Variants in SLCO3A1 observed in about 807,000 individuals in gnomAD.
The protein encoded by SLCO3A1 is solute carrier organic anion transporter family member 3A1, also known as PGE1 transporter.
Under a neutral mutation model 63.1 loss-of-function variants are expected in SLCO3A1, and 27 were observed. That is an observed-to-expected ratio of 0.43 (90% CI 0.32 to 0.59). The LOEUF is 0.59. Among genes scored for constraint, SLCO3A1 ranks in the 20% least tolerant of loss-of-function variants. The probability of loss-of-function intolerance (pLI) is 0.09; values close to 1 mark genes in which losing one functional copy is unlikely to be tolerated. For missense variants in SLCO3A1, 773 were observed against 945.8 expected, an observed-to-expected ratio of 0.82 and a Z score of 2.40; for synonymous variants, 473 against 409.9, an observed-to-expected ratio of 1.15 and a Z score of -1.86.
chr15:91,974,128 G>A (rs9972546), intron 2 of SLCO3A1, among the ~76,000 whole-genome samples: 31,727 of 151,842 alleles, frequency 0.21, 3,724 homozygotes, highest in East Asian at 0.38. Context: ...AGACTCACGG[G>A]ATGTGGGACA....
rs1416143953 is a variant in SLCO3A1, at chr15:92,016,251, A to AGATAGATAGATT, written c.647-78627_647-78626insAGATAGATTGAT. Among the ~76,000 whole-genome samples, 24 of 52,198 alleles carry AGATAGATAGATT rather than the reference A, an allele frequency of 4.6e-4. 1 individual carries two copies. The East Asian group carries it at 9.0e-3, about 20-fold the overall frequency. The allele number at this position is 52,198 out of a possible 152,430, so 34.2% of individuals were successfully genotyped here. A position where few individuals can be genotyped will look rare whatever the true frequency, so the allele number is the denominator to read the frequency against. On this transcript the variant is annotated intron_variant, in intron 2 of 9. Transcript: ENST00000318445. ...TAGATAGATAGATAGATAGATAGATAGATTAGATAGATAGATAGATAGATA... is the reference window on the plus strand; with the variant it reads ...TAGATAGATAGATAGATAGATAGATAGATAGATAGATTGATTAGATAGATAGATAGATAGATA...
At chr15:91,869,536 T>A (rs150047980) in intron 1 of SLCO3A1, among the ~76,000 whole-genome samples, 5 of 120,944 alleles carry the variant, frequency 4.1e-5, no homozygotes, top group African/African-American at 1.3e-4. Flanking sequence ...AAAAAAAAAA[T>A]TAAAAAATTA....
chr15:91,884,798 T>G (rs1427315517), intron 1 of SLCO3A1, among the ~76,000 whole-genome samples: 1 of 152,204 alleles, frequency 6.6e-6, no homozygotes, highest in Non-Finnish European at 1.5e-5. Context: ...CGCATTTTTT[T>G]GTATGCTTAC....
At chr15:92,116,448 C>A (rs11631993) in intron 4 of SLCO3A1, among the ~76,000 whole-genome samples, 4 of 152,142 alleles carry the variant, frequency 2.6e-5, no homozygotes. Flanking sequence ...AAAGGTTTCT[C>A]CAGCTGGTGA....
In SLCO3A1 at chr15:92,102,400, A is replaced by C. The variant is rs181998498; in HGVS notation, c.746-1879A>C. Among the ~76,000 whole-genome samples, 701 of 152,200 alleles carry C rather than the reference A, an allele frequency of 4.6e-3. 6 individuals are homozygous for C. The highest frequency in any genetic ancestry group is 0.016 in the African/African-American group (674 of 41,460). On this transcript the variant is annotated intron_variant, in intron 3 of 9. Coordinates refer to ENST00000318445, the MANE Select transcript of SLCO3A1 (RefSeq NM_013272.4). ...TATGTACATAAAAGTGAGAATAACAAGATCTCTCTCTATACAAAGAGCCTA... is the reference window on the plus strand; with the variant it reads ...TATGTACATAAAAGTGAGAATAACACGATCTCTCTCTATACAAAGAGCCTA...
intron 1 of SLCO3A1, among the ~76,000 whole-genome samples, chr15:91,880,098 T>TATCCGTCCGTCCGTCCGTCCGTCC (rs1555446359): frequency 9.2e-5 from 9 of 97,794 alleles, no homozygotes; most frequent in African/African-American, 3.2e-4. Context: ...CTTGTATGTG[T>TATCCGTCCGTCCGTCCGTCCGTCC]GTCCGTCCGT....
intron 1 of SLCO3A1, among the ~76,000 whole-genome samples, chr15:91,889,903 T>C (rs1253301365): frequency 1.3e-5 from 2 of 151,852 alleles, no homozygotes; most frequent in African/African-American, 4.9e-5. Context: ...TAGTCTTTCC[T>C]AGTCTAGTCC....
At chr15:92,012,722 A>G (rs950591607) in intron 2 of SLCO3A1, among the ~76,000 whole-genome samples, 2 of 140,798 alleles carry the variant, frequency 1.4e-5, no homozygotes, top group African/African-American at 2.7e-5. Context: ...GGGCAACATG[A>G]TGAAATGCTG....
chr15:92,099,878 A>G (rs1024249394), intron 3 of SLCO3A1, among the ~76,000 whole-genome samples: 1 of 152,046 alleles, frequency 6.6e-6, no homozygotes, highest in Non-Finnish European at 1.5e-5. Flanking sequence ...ACCAGCCAAT[A>G]TGGTGAAACC....
intron 2 of SLCO3A1, among the ~76,000 whole-genome samples, chr15:92,009,221 C>T (rs1005574239): frequency 2.4e-4 from 37 of 152,176 alleles, no homozygotes; most frequent in Non-Finnish European, 1.9e-4. Flanking sequence ...CCTCACTCAC[C>T]ATCAGAATAT....
Position 91,950,377 on chromosome 15 carries a change from G to T in SLCO3A1, c.646+33919G>T, listed in dbSNP as rs1477151539. Among the ~76,000 whole-genome samples, 1 of 152,172 alleles carries T rather than the reference G, an allele frequency of 6.6e-6. No homozygotes were observed. Among genetic ancestry groups the T allele is most frequent in the Non-Finnish European group, 1.5e-5 (1 of 68,020 alleles). On this transcript the variant is annotated intron_variant, in intron 2 of 9. Transcript: ENST00000318445. This position sits in a 1 kb window ranked among gnomAD's most constrained non-coding sequence, Gnocchi z 4.4. ...GGGGCCCTGGCTGGGCAGGCAGGGG[G>T]AGCCCAGCCCTGTCACTGGCCATTG...
At chr15:92,156,140 G>A (rs2048368846) in intron 9 of SLCO3A1, among the ~76,000 whole-genome samples, 1 of 152,152 alleles carries the variant, frequency 6.6e-6, no homozygotes. Context: ...TCTTGCATAT[G>A]CCAAAGTTTA....
intron 2 of SLCO3A1, among the ~76,000 whole-genome samples, chr15:92,027,326 G>C (rs2046587422): frequency 6.6e-6 from 1 of 152,222 alleles, no homozygotes; most frequent in African/African-American, 2.4e-5. Context: ...TGCTTTATTT[G>C]TTGAGAGATA....
At chr15:91,919,976 T>C (rs1335064890) in intron 2 of SLCO3A1, among the ~76,000 whole-genome samples, 1 of 152,222 alleles carries the variant, frequency 6.6e-6, no homozygotes, top group Non-Finnish European at 1.5e-5. Flanking sequence ...ATAAATGATG[T>C]TTTGTGTAAT....
chr15:91,977,177 G>T (rs536818166), intron 2 of SLCO3A1, among the ~76,000 whole-genome samples: 1 of 152,148 alleles, frequency 6.6e-6, no homozygotes, highest in Non-Finnish European at 1.5e-5. Flanking sequence ...GTGCAAAAAC[G>T]TACTGCCTGA....
chr15:92,023,534 T>A (rs8029456), intron 2 of SLCO3A1, among the ~76,000 whole-genome samples: 1 of 151,844 alleles, frequency 6.6e-6, no homozygotes, highest in Admixed American at 6.6e-5. Context: ...AGTGGTGGGA[T>A]CTCAGCTCAC....
At chr15:92,141,954 G>A (rs925674363) in intron 7 of SLCO3A1, among the ~76,000 whole-genome samples, 1 of 152,162 alleles carries the variant, frequency 6.6e-6, no homozygotes, top group Non-Finnish European at 1.5e-5. Context: ...CCCCATGTGT[G>A]GGACCACCCA....
chr15:91,892,333 G>C (rs1166996738), intron 1 of SLCO3A1, among the ~76,000 whole-genome samples: 2 of 152,110 alleles, frequency 1.3e-5, no homozygotes, highest in Non-Finnish European at 2.9e-5. Flanking sequence ...TTACTATTTG[G>C]AGAAAAGCGC....
At chr15:91,918,892 C>G (rs1898749104) in intron 2 of SLCO3A1, among the ~76,000 whole-genome samples, 1 of 152,194 alleles carries the variant, frequency 6.6e-6, no homozygotes, top group Non-Finnish European at 1.5e-5. Flanking sequence ...ACCCCTGGTT[C>G]CAGCTCCTGC....
Sources: gnomAD v4.1 joint callset for allele counts (sites outside exome capture counted in the v4.1 genomes callset) on GRCh38, gnomAD v4.1.1 for gene constraint, Gnocchi (gnomAD v3.1) non-coding constraint, MANE v1.5 for transcripts, NCBI Gene and HGNC (gene_info 2026-07-23, HGNC 2026-07-21) for gene names.